GLI3: variants seen among roughly 807,000 people sequenced by gnomAD.
GLI3 encodes transcription activator GLI3.
GLI3 carries 20 observed loss-of-function variants against 100.8 expected under a neutral mutation model. The ratio of observed to expected loss-of-function variants is 0.20; its 90% CI spans 0.14 to 0.29. The LOEUF (loss-of-function observed/expected upper bound fraction) is 0.29. Ranked by LOEUF, GLI3 falls within the 10% of genes least tolerant of loss-of-function variation. GLI3 has a pLI of 1.00. For missense variants in GLI3, 2,040 were observed against 2,128.5 expected (o/e 0.96, Z 0.82); for synonymous variants, 938 against 860.5 (o/e 1.09, Z -1.58).
At chr7:42,086,787 C>A (rs1008802445) in intron 3 of GLI3, among the ~76,000 whole-genome samples, 3 of 152,152 alleles carry the variant, frequency 2.0e-5, no homozygotes. Context: ...AGGGACGACC[C>A]GAGGAATTCT....
At chr7:42,132,784 C>T (rs1398746240) in intron 3 of GLI3, among the ~76,000 whole-genome samples, 1 of 152,158 alleles carries the variant, frequency 6.6e-6, no homozygotes, top group Non-Finnish European at 1.5e-5. Flanking sequence ...CCAAATCTGA[C>T]ACCACTGATC....
chr7:42,254,850 T>C (rs1006480606), intron 1 of GLI3, among the ~76,000 whole-genome samples: 2 of 152,024 alleles, frequency 1.3e-5, no homozygotes, highest in African/African-American at 4.8e-5. Flanking sequence ...AAAAGTTGGC[T>C]GATCTTTGAC....
intron 3 of GLI3, among the ~76,000 whole-genome samples, chr7:42,100,577 A>AT (rs56104859): frequency 0.11 from 15,753 of 147,376 alleles, 905 homozygotes; most frequent in African/African-American, 0.17. Context: ...CTCTACAAAC[A>AT]TAAAAAAAAA....
In GLI3 at chr7:42,220,949, C is replaced by G. The variant is rs185217497; in HGVS notation, c.124+2181G>C. ...TCAGGCATGTGCCCTGCAAGTTTGA[C>G]CAATCAATGTCGGTCCCCAAACAGG... On this transcript the variant is annotated intron_variant, in intron 2 of 14. Coordinates refer to ENST00000395925, the MANE Select transcript of GLI3 (RefSeq NM_000168.6). 1.2e-4 allele frequency among the ~76,000 whole-genome samples: 18 copies of G among 152,248 alleles called. 2 individuals are homozygous for G. Among genetic ancestry groups the G allele is most frequent in the African/African-American group, 4.1e-4 (17 of 41,556 alleles).
At chr7:41,978,185 C>T (rs980674764) in intron 11 of GLI3, among the ~76,000 whole-genome samples, 1 of 152,180 alleles carries the variant, frequency 6.6e-6, no homozygotes, top group African/African-American at 2.4e-5. Flanking sequence ...TGCGGCACCC[C>T]CTTCCCATTC....
At position 41,987,998 on chromosome 7, in the gene GLI3, A is replaced by G. The variant is rs139987025; in HGVS notation, c.1498-9250T>C. 1.2e-3 allele frequency among the ~76,000 whole-genome samples: 188 copies of G among 152,348 alleles called. No homozygotes were observed. The East Asian group carries it at 0.014, about 12-fold the overall frequency. On this transcript the variant is annotated intron_variant, in intron 10 of 14. Transcript: ENST00000395925. ...GAAGGAAATGTGAGTTTTTGAGAAG[A>G]GTTTCTAAGAAGTAAATATTCATAA...
chr7:42,179,065 G>A (rs1022015923), intron 2 of GLI3, among the ~76,000 whole-genome samples: 4 of 152,126 alleles, frequency 2.6e-5, no homozygotes, highest in South Asian at 2.1e-4. Context: ...CCCATGTGTT[G>A]TGGGAGGGAC....
intron 3 of GLI3, among the ~76,000 whole-genome samples, chr7:42,081,257 C>T (rs1348675778): frequency 6.6e-6 from 1 of 151,890 alleles, no homozygotes; most frequent in South Asian, 2.1e-4. Flanking sequence ...CAGGTGGGGG[C>T]GGGTCTGTGG....
At chr7:42,052,567 G>A (rs990261112) in intron 4 of GLI3, among the ~76,000 whole-genome samples, 9 of 152,244 alleles carry the variant, frequency 5.9e-5, no homozygotes, top group East Asian at 1.9e-4. Flanking sequence ...AGGAGCTGCC[G>A]TGAGGGCTGA....
intron 13 of GLI3, among the ~76,000 whole-genome samples, chr7:41,969,820 T>A (rs1241035626): frequency 1.3e-5 from 2 of 152,238 alleles, no homozygotes; most frequent in Non-Finnish European, 2.9e-5. Context: ...TAAAGCCAGA[T>A]CTTCCTCAAA....
chr7:42,134,943 A>C (rs752020930), intron 3 of GLI3, among the ~76,000 whole-genome samples: 4 of 152,060 alleles, frequency 2.6e-5, no homozygotes, highest in African/African-American at 7.2e-5. Context: ...AGAGTCCATA[A>C]ATTTGATATT....
chr7:42,255,132 T>C (rs534389810), intron 1 of GLI3, among the ~76,000 whole-genome samples: 45 of 152,184 alleles, frequency 3.0e-4, no homozygotes, highest in African/African-American at 1.0e-3. Context: ...CGCTATTTTT[T>C]TCTTCCCCAC....
intron 2 of GLI3, among the ~76,000 whole-genome samples, chr7:42,164,982 C>T (rs1166503755): frequency 1.3e-5 from 2 of 149,086 alleles, no homozygotes; most frequent in Non-Finnish European, 3.0e-5. Flanking sequence ...GCTTTTAAAT[C>T]ACTATTCATG....
chr7:41,975,231 C>T (rs1363677675), intron 12 of GLI3, among the ~76,000 whole-genome samples: 1 of 152,234 alleles, frequency 6.6e-6, no homozygotes, highest in Non-Finnish European at 1.5e-5. Flanking sequence ...CTTCCCATTA[C>T]AGTCCATTAT....
chr7:42,139,562 C>T (rs1786515364), intron 3 of GLI3, among the ~76,000 whole-genome samples: 1 of 152,134 alleles, frequency 6.6e-6, no homozygotes, highest in Non-Finnish European at 1.5e-5. Flanking sequence ...GCCTGTAATC[C>T]CAGCTACTCA....
chr7:42,148,150 C>CAG, intron 3 of GLI3, 76 bp downstream of exon 3: 1 of 1,385,134 alleles, frequency 7.2e-7, no homozygotes. Context: ...CACACACACA[C>CAG]ACACACACAC....
At chr7:41,988,874 G>C (rs1005546001) in intron 10 of GLI3, among the ~76,000 whole-genome samples, 15 of 152,110 alleles carry the variant, frequency 9.9e-5, no homozygotes, top group African/African-American at 3.4e-4. Flanking sequence ...CTCTTAAGAG[G>C]CTTCTCTTAC....
intron 7 of GLI3, 110 bp from the exon 8 acceptor site, chr7:42,026,522 G>A (rs1789118998): frequency 1.2e-6 from 1 of 858,648 alleles, no homozygotes; most frequent in Non-Finnish European, 1.9e-6. Context: ...AATCAAATTT[G>A]TTTAAATGAG....
chr7:42,206,423 C>G (rs1389306594), intron 2 of GLI3, among the ~76,000 whole-genome samples: 2 of 150,914 alleles, frequency 1.3e-5, no homozygotes, highest in East Asian at 3.9e-4. Flanking sequence ...TTGCTTAAAA[C>G]CTCTTCTCTT....
Sources: allele counts gnomAD v4.1 joint callset (sites outside exome capture counted in the v4.1 genomes callset), GRCh38; gene constraint gnomAD v4.1.1; transcripts MANE v1.5; gene names NCBI Gene and HGNC (gene_info 2026-07-23, HGNC 2026-07-21).